The following PITPNM3 variants were observed in gnomAD, a reference collection of about 807,000 sequenced individuals.
PITPNM3 encodes the protein membrane-associated phosphatidylinositol transfer protein 3.
Under a neutral mutation model 102.0 loss-of-function variants are expected in PITPNM3, and 26 were observed. The ratio of observed to expected loss-of-function variants is 0.25; its 90% CI spans 0.19 to 0.35. The LOEUF (loss-of-function observed/expected upper bound fraction) is 0.35. Ranked by LOEUF, PITPNM3 falls within the 10% of genes least tolerant of loss-of-function variation. The probability of loss-of-function intolerance (pLI) is 1.00; values close to 1 mark genes in which losing one functional copy is unlikely to be tolerated. For synonymous variants in PITPNM3, 578 were observed against 558.6 expected (o/e 1.03, Z -0.49); for missense variants, 1,083 against 1,346.1 (o/e 0.80, Z 3.06).
chr17:6,544,202 G>A (rs1909884859), intron 1 of PITPNM3, among the ~76,000 whole-genome samples: 1 of 152,186 alleles, frequency 6.6e-6, no homozygotes, highest in South Asian at 2.1e-4. Context: ...TGCCAATGCT[G>A]GATGGACTTA....
chr17:6,474,501 A>C lies in PITPNM3; in HGVS notation c.1189T>G (p.Phe397Val). The C allele has an allele frequency of 6.2e-7, 1 of 1,613,528 alleles. No homozygotes were observed. Among genetic ancestry groups the C allele is most frequent in the African/African-American group, 1.3e-5 (1 of 75,064 alleles). The change falls in exon 10 of 20, where the codon TTC becomes GTC. Residue 397 changes from phenylalanine (F) to valine (V), a missense_variant. Transcript: ENST00000262483. The stretch of plus-strand genomic sequence containing the variant: ...CCCAGTGGCGAGCCGAAGAGGAAGA[A>C]GTCGGACACATCGAAGTCAAAGCGG... ...LGRFDFDVSD[F>V]FLFGSPLGLV...
intron 10 of PITPNM3, among the ~76,000 whole-genome samples, chr17:6,473,846 G>A (rs1292983095): frequency 6.6e-6 from 1 of 151,984 alleles, no homozygotes; most frequent in Non-Finnish European, 1.5e-5. Context: ...GCGTCATGGT[G>A]GGTGCCTGTA....
chr17:6,466,428 G>A (rs988532144), intron 14 of PITPNM3, among the ~76,000 whole-genome samples: 2 of 152,198 alleles, frequency 1.3e-5, no homozygotes, highest in Admixed American at 6.5e-5. Context: ...GGGAACGCAG[G>A]CCCCCTTACA....
chr17:6,523,432 T>A (rs1463477611), intron 3 of PITPNM3, among the ~76,000 whole-genome samples: 1 of 152,168 alleles, frequency 6.6e-6, no homozygotes, highest in Non-Finnish European at 1.5e-5. Context: ...GCACTGCAGC[T>A]TCTGCCTCTG....
rs1904642627 is a variant in PITPNM3, at chr17:6,464,154, G to A, written c.2156+16C>T. On this transcript the variant is annotated intron_variant, in intron 16 of 19. Coordinates refer to ENST00000262483, the MANE Select transcript of PITPNM3 (RefSeq NM_031220.4). ...AAATGAGAGAAACCACCCTGAGAAT[G>A]GCCCCTGGGTCTTACCTGACGACCA... The A allele has an allele frequency of 1.2e-6, 2 of 1,613,980 alleles. No homozygotes were observed. Among genetic ancestry groups the A allele is most frequent in the African/African-American group, 2.7e-5 (2 of 74,894 alleles).
chr17:6,552,128 G>A (rs1910344341), intron 1 of PITPNM3, among the ~76,000 whole-genome samples: 2 of 152,172 alleles, frequency 1.3e-5, no homozygotes, highest in African/African-American at 2.4e-5. Context: ...ATGGAAGCCT[G>A]CCAGCTACAC....
chr17:6,474,302 T>C (rs1395469001), intron 10 of PITPNM3, 130 bp downstream of exon 10: 1 of 1,296,136 alleles, frequency 7.7e-7, no homozygotes, highest in African/African-American at 1.5e-5. Flanking sequence ...CTCTCCTCTC[T>C]TTCCACCTAT....
chr17:6,455,496 G>A lies in PITPNM3; in HGVS notation c.2767C>T (p.Leu923=). ...TGCTGCACTGACATGGTTCTGCGCA[G>A]GTGGTTGCGCTTCCGCAGGAACTCT... ...QPEFLRKRNH[L]RRTMSVQQPD... Residue 923 remains leucine, a synonymous_variant, in exon 20 of 20, where the codon CTG becomes TTG. Coordinates refer to ENST00000262483, the MANE Select transcript of PITPNM3 (RefSeq NM_031220.4). 1 of 1,606,096 alleles carries A rather than the reference G, an allele frequency of 6.2e-7. No individual in the cohort carries two copies. Among genetic ancestry groups the A allele is most frequent in the Non-Finnish European group, 8.5e-7 (1 of 1,179,608 alleles).
intron 4 of PITPNM3, among the ~76,000 whole-genome samples, chr17:6,491,571 A>G (rs938055541): frequency 6.6e-5 from 10 of 152,156 alleles, no homozygotes; most frequent in African/African-American, 2.2e-4. Flanking sequence ...ACTCCAGCAC[A>G]TCCCTGTCCC....
chr17:6,516,430 G>A (rs1356259829), intron 3 of PITPNM3, among the ~76,000 whole-genome samples: 1 of 150,498 alleles, frequency 6.6e-6, no homozygotes, highest in Non-Finnish European at 1.5e-5. Context: ...CAGGCGTGGT[G>A]GCGGGCACCT....
chr17:6,482,961 T>C (rs568417351), intron 6 of PITPNM3, among the ~76,000 whole-genome samples: 1 of 151,962 alleles, frequency 6.6e-6, no homozygotes, highest in East Asian at 1.9e-4. Flanking sequence ...TTTTTTTTTT[T>C]TGAGACAGAG....
chr17:6,543,462 G>C (rs1352957053), intron 1 of PITPNM3, among the ~76,000 whole-genome samples: 1 of 152,256 alleles, frequency 6.6e-6, no homozygotes, highest in Admixed American at 6.5e-5. Flanking sequence ...CAGGCGAAGG[G>C]AGATGCCTCC....
At position 6,455,568 on chromosome 17, in the gene PITPNM3, A is replaced by T; in HGVS notation, c.2695T>A (p.Ser899Thr). The T allele has an allele frequency of 6.3e-7, 1 of 1,598,416 alleles. No individual in the cohort carries two copies. The highest frequency in any genetic ancestry group is 2.2e-5 in the East Asian group (1 of 44,488). Residue 899 changes from serine (S) to threonine (T), a missense_variant, in exon 20 of 20, where the codon TCG becomes ACG. Physicochemically the swap from Ser to Thr is moderately conservative, Grantham distance 58. Around this residue, in one of 5 missense-constraint regions of PITPNM3, gnomAD observed 208 missense variants for 178.2 expected, o/e 1.17. Coordinates refer to ENST00000262483, the MANE Select transcript of PITPNM3 (RefSeq NM_031220.4). ...SHRSRPKKNN[S>T]RMILRKGSFG... ...CTGCCCTTGCGCAGGATCATGCGCG[A>T]GTTGTTCTTCTTTGGGCGTGAGCGG...
At chr17:6,462,581 G>A (rs534571001) in intron 17 of PITPNM3, among the ~76,000 whole-genome samples, 1 of 152,160 alleles carries the variant, frequency 6.6e-6, no homozygotes, top group Non-Finnish European at 1.5e-5. Context: ...TCTTTCCTCT[G>A]TGCTCTCACA....
At chr17:6,465,045 G>A (rs567793990) in intron 14 of PITPNM3, among the ~76,000 whole-genome samples, 3 of 152,092 alleles carry the variant, frequency 2.0e-5, no homozygotes, top group Non-Finnish European at 4.4e-5. Flanking sequence ...TTGTTTGTTT[G>A]TTTTGTTTTT....
rs202167308 is a variant in PITPNM3 at position 6,457,570 on chromosome 17, G to A, written c.2619+24C>T. ...TCCCTGACCTCCCTCACAACTCCCCGCCTCCAGCCCCGCCTCCACCCACCT... is the reference window on the plus strand; with the variant it reads ...TCCCTGACCTCCCTCACAACTCCCCACCTCCAGCCCCGCCTCCACCCACCT... On this transcript the variant is annotated intron_variant, in intron 19 of 19. Transcript: ENST00000262483. This position sits in a 1 kb window ranked among gnomAD's most constrained non-coding sequence, Gnocchi z 4.7. The A allele has an allele frequency of 6.4e-4, 706 of 1,102,718 alleles. 3 individuals carry two copies. In the African/African-American group the frequency reaches 9.5e-3, roughly 15 times the overall value. 68.3% of individuals were successfully genotyped at this position (1,102,718 alleles called of 1,614,324 possible).
intron 1 of PITPNM3, among the ~76,000 whole-genome samples, chr17:6,551,331 C>T (rs1415030033): frequency 1.3e-5 from 2 of 150,616 alleles, no homozygotes; most frequent in Non-Finnish European, 3.0e-5. Flanking sequence ...CACTGCACTC[C>T]AGCTTCGGCG....
chr17:6,538,659 C>T (rs1238355854), intron 1 of PITPNM3, among the ~76,000 whole-genome samples: 3 of 152,246 alleles, frequency 2.0e-5, no homozygotes, highest in African/African-American at 7.2e-5. Flanking sequence ...CAGGCACACA[C>T]GTCCTGTCCC....
chr17:6,542,092 A>ATAGCAACCCTTCTACCT (rs1375363642), intron 1 of PITPNM3, among the ~76,000 whole-genome samples: 2 of 152,186 alleles, frequency 1.3e-5, no homozygotes, highest in Non-Finnish European at 2.9e-5. Context: ...TCTCTTGGAA[A>ATAGCAACCCTTCTACCT]TAGCAACCCT....
Sources: allele counts gnomAD v4.1 joint callset (sites outside exome capture counted in the v4.1 genomes callset), GRCh38; gene constraint gnomAD v4.1.1; regional missense constraint gnomAD v4.1.1; non-coding constraint Gnocchi (gnomAD v3.1); transcripts MANE v1.5; gene names NCBI Gene and HGNC (gene_info 2026-07-23, HGNC 2026-07-21).